Variants in LMO7 observed in about 807,000 individuals in gnomAD.
LMO7 encodes the protein LIM domain 7, also known as LIM domain only protein 7.
In LMO7, 120 loss-of-function variants were observed where a neutral mutation model predicts 206.5. The observed-to-expected ratio is 0.58, with a 90% confidence interval of 0.50 to 0.68. LMO7 has a LOEUF of 0.68. Ranked by LOEUF, LMO7 falls within the 30% of genes least tolerant of loss-of-function variation. The pLI is 0.00. For missense variants in LMO7, 1,959 were observed against 1,957.9 expected, an observed-to-expected ratio of 1.00 and a Z score of -0.01; for synonymous variants, 706 against 681.5, an observed-to-expected ratio of 1.04 and a Z score of -0.56.
At chr13:75,716,225 A>G (rs941627689) in intron 2 of LMO7, among the ~76,000 whole-genome samples, 20 of 152,202 alleles carry the variant, frequency 1.3e-4, no homozygotes, top group African/African-American at 4.6e-4. Flanking sequence ...TGAAATATCA[A>G]AGTCAAAAGT....
chr13:75,782,109 T>C (rs1449551281), intron 4 of LMO7, among the ~76,000 whole-genome samples: 1 of 152,242 alleles, frequency 6.6e-6, no homozygotes, highest in Non-Finnish European at 1.5e-5. Context: ...TTTCTTTTGC[T>C]GTACAGAAGC....
intron 4 of LMO7, among the ~76,000 whole-genome samples, chr13:75,769,055 C>A (rs1434545819): frequency 1.3e-5 from 2 of 151,956 alleles, no homozygotes; most frequent in Non-Finnish European, 2.9e-5. Flanking sequence ...AATGAAATGT[C>A]AAGAAACTGG....
At chr13:75,713,013 A>G (rs755130219) in intron 1 of LMO7, among the ~76,000 whole-genome samples, 169 bp from the exon 2 acceptor site, 1 of 152,240 alleles carries the variant, frequency 6.6e-6, no homozygotes, top group African/African-American at 2.4e-5. Flanking sequence ...TTTGTAATAT[A>G]AAACAGACAG....
intron 1 of LMO7, among the ~76,000 whole-genome samples, chr13:75,647,951 C>CTTTCTTTTTTTT (rs1555286938): frequency 5.5e-5 from 5 of 91,146 alleles, no homozygotes; most frequent in Admixed American, 1.6e-4. Context: ...TCTTTTCTTT[C>CTTTCTTTTTTTT]TTTTTTTTTT....
chr13:75,760,787 A>G, intron 3 of LMO7, 145 bp from the exon 4 acceptor site: 1 of 1,541,484 alleles, frequency 6.5e-7, no homozygotes, highest in Non-Finnish European at 8.7e-7. Flanking sequence ...ATTTTTTTTC[A>G]AATATACATA....
intron 15 of LMO7, among the ~76,000 whole-genome samples, chr13:75,825,427 G>T (rs1369582799): frequency 6.6e-6 from 1 of 152,166 alleles, no homozygotes; most frequent in Non-Finnish European, 1.5e-5. Context: ...TGCAACTGTG[G>T]ATTAAGGAAA....
intron 1 of LMO7, among the ~76,000 whole-genome samples, chr13:75,658,508 T>C (rs192581303): frequency 1.7e-4 from 26 of 152,256 alleles, no homozygotes; most frequent in African/African-American, 6.3e-4. Context: ...ACTAAAGTTC[T>C]TATTTATCAT....
intron 16 of LMO7, among the ~76,000 whole-genome samples, chr13:75,833,479 C>G (rs2058853279): frequency 6.6e-6 from 1 of 152,142 alleles, no homozygotes; most frequent in Admixed American, 6.6e-5. Context: ...TCAGAAAGAG[C>G]TTTCCATGAT....
chr13:75,702,028 G>A (rs2042316878), intron 1 of LMO7, among the ~76,000 whole-genome samples: 1 of 152,066 alleles, frequency 6.6e-6, no homozygotes, highest in Non-Finnish European at 1.5e-5. Flanking sequence ...AATAACTTGA[G>A]ACTGTAAGCT....
chr13:75,843,260 C>A (rs1417397969), intron 25 of LMO7, among the ~76,000 whole-genome samples: 2 of 152,120 alleles, frequency 1.3e-5, no homozygotes, highest in Non-Finnish European at 2.9e-5. Flanking sequence ...ACAACTGGGT[C>A]ATGTGCCTTT....
chr13:75,640,362 C>T (rs964588936), intron 1 of LMO7, among the ~76,000 whole-genome samples: 1 of 152,128 alleles, frequency 6.6e-6, no homozygotes, highest in Admixed American at 6.5e-5. Flanking sequence ...ACAAATGCTC[C>T]CTAATCCATT....
intron 29 of LMO7, among the ~76,000 whole-genome samples, chr13:75,856,300 A>G (rs549545531): frequency 6.6e-6 from 1 of 152,234 alleles, no homozygotes; most frequent in East Asian, 1.9e-4. Context: ...CTTGGCTCTT[A>G]ATATTGGCTT....
intron 1 of LMO7, among the ~76,000 whole-genome samples, chr13:75,707,708 G>A (rs1254573969): frequency 6.6e-6 from 1 of 151,890 alleles, no homozygotes; most frequent in Non-Finnish European, 1.5e-5. Context: ...CAAAATATAA[G>A]CTATTATTTA....
intron 1 of LMO7, among the ~76,000 whole-genome samples, chr13:75,669,022 T>C (rs1057248969): frequency 2.6e-5 from 4 of 152,136 alleles, no homozygotes; most frequent in Non-Finnish European, 5.9e-5. Flanking sequence ...ATATTTTGAC[T>C]GAGAGGATTG....
chr13:75,729,773 A>G (rs2044930173), intron 3 of LMO7, among the ~76,000 whole-genome samples: 1 of 151,390 alleles, frequency 6.6e-6, no homozygotes, highest in African/African-American at 2.4e-5. Context: ...TTTGTCATAG[A>G]TAGCTCTTAT....
intron 3 of LMO7, among the ~76,000 whole-genome samples, chr13:75,752,764 T>G (rs536920640): frequency 6.6e-6 from 1 of 152,240 alleles, no homozygotes; most frequent in Non-Finnish European, 1.5e-5. Flanking sequence ...AAGACATGAT[T>G]TCATTTTTTA....
chr13:75,663,432 C>CTTTCTTTCTTTCTTTCTTTCTTTCT (rs1555289857), intron 1 of LMO7, among the ~76,000 whole-genome samples: 16 of 111,394 alleles, frequency 1.4e-4, no homozygotes, highest in East Asian at 5.0e-4. Flanking sequence ...TTCTTTCTTT[C>CTTTCTTTCTTTCTTTCTTTCTTTCT]TTTTTTTTTT....
At chr13:75,819,560 T>A (rs1220553671) in intron 13 of LMO7, 25 bp downstream of exon 13, 2 of 1,549,620 alleles carry the variant, frequency 1.3e-6, no homozygotes, top group Non-Finnish European at 1.7e-6. Flanking sequence ...TGCACCTCGG[T>A]TGTAACAGGG....
intron 1 of LMO7, among the ~76,000 whole-genome samples, chr13:75,687,983 T>G (rs969868628): frequency 5.3e-5 from 8 of 152,284 alleles, no homozygotes; most frequent in Admixed American, 5.2e-4. Context: ...TGATAGTGAA[T>G]AAGTCTCACG....
Sources: allele counts gnomAD v4.1 joint callset (sites outside exome capture counted in the v4.1 genomes callset), GRCh38; gene constraint gnomAD v4.1.1; transcripts MANE v1.5; gene names NCBI Gene and HGNC (gene_info 2026-07-23, HGNC 2026-07-21).